CYP3A7: variants seen among roughly 807,000 people sequenced by gnomAD.
The protein encoded by CYP3A7 is cytochrome P450 family 3 subfamily A member 7, also known as cytochrome P450 3A7.
In CYP3A7, 45 loss-of-function variants were observed where a neutral mutation model predicts 55.2. That is an observed-to-expected ratio of 0.82 (90% CI 0.64 to 1.05). CYP3A7 has a LOEUF of 1.05. Among genes scored for constraint, CYP3A7 ranks in the 50% least tolerant of loss-of-function variants. The probability of loss-of-function intolerance (pLI) is 0.00; values close to 1 mark genes in which losing one functional copy is unlikely to be tolerated. For missense variants in CYP3A7, 548 were observed against 605.3 expected (o/e 0.91, Z 0.99); for synonymous variants, 180 against 207.4 (o/e 0.87, Z 1.13).
intron 2 of CYP3A7, among the ~76,000 whole-genome samples, chr7:99,729,087 A>G (rs903089386): frequency 6.6e-6 from 1 of 152,128 alleles, no homozygotes; most frequent in African/African-American, 2.4e-5. Context: ...CAGCCAGGCA[A>G]ATACTTATTT....
rs549288045 is a variant in CYP3A7, at chr7:99,734,637, T to C, written c.71+386A>G. On this transcript the variant is annotated intron_variant, in intron 1 of 12. Coordinates refer to ENST00000336374, the MANE Select transcript of CYP3A7 (RefSeq NM_000765.5). ...TTTCTTTTTTTTCTCTTTTTTTTTT[T>C]TTGAGATGGAATCTCACTCTGTTAC... Among the ~76,000 whole-genome samples the C allele has an allele frequency of 1.4e-4, 22 of 151,734 alleles. No individual in the cohort carries two copies. In the South Asian group the frequency reaches 1.7e-3, roughly 12 times the overall value.
intron 2 of CYP3A7, among the ~76,000 whole-genome samples, chr7:99,728,717 A>G (rs1814508994): frequency 6.6e-6 from 1 of 152,178 alleles, no homozygotes; most frequent in South Asian, 2.1e-4. Flanking sequence ...CATGACACCA[A>G]CCAGACAAAA....
intron 1 of CYP3A7, among the ~76,000 whole-genome samples, chr7:99,733,123 C>T (rs535088167): frequency 6.6e-6 from 1 of 152,356 alleles, no homozygotes; most frequent in African/African-American, 2.4e-5. Flanking sequence ...GAAGTGTGTG[C>T]ACCATCTACC....
rs1584507469 is a variant in CYP3A7 at position 99,710,962 on chromosome 7, A to T, written c.866-70T>A. On this transcript the variant is annotated intron_variant, in intron 9 of 12. Transcript: ENST00000336374. ...GGGCATCACAGTTTAGATGAAAAGA[A>T]ATCTAAGTGGAACCTTCAAATCCCC... is the stretch of plus-strand genomic sequence containing the variant. 21 of 1,609,948 alleles carry T rather than the reference A, an allele frequency of 1.3e-5. No individual in the cohort carries two copies. In the South Asian group the frequency reaches 1.5e-4, roughly 12 times the overall value.
intron 9 of CYP3A7, among the ~76,000 whole-genome samples, chr7:99,711,763 C>G (rs150231965): frequency 7.0e-6 from 1 of 143,544 alleles, no homozygotes; most frequent in African/African-American, 2.4e-5. Flanking sequence ...AGCGAAAACT[C>G]TGTCTCAAAA....
intron 12 of CYP3A7, among the ~76,000 whole-genome samples, chr7:99,707,117 A>G (rs1813553951): frequency 6.6e-6 from 1 of 152,198 alleles, no homozygotes; most frequent in Admixed American, 6.5e-5. Context: ...GAACAGAATG[A>G]GGAGAAGAAA....
intron 2 of CYP3A7, among the ~76,000 whole-genome samples, chr7:99,727,548 C>T (rs796871752): frequency 2.0e-5 from 3 of 152,268 alleles, no homozygotes; most frequent in Admixed American, 1.3e-4. Flanking sequence ...CTGTATCTCT[C>T]TGATCCATCT....
intron 9 of CYP3A7, among the ~76,000 whole-genome samples, chr7:99,713,263 G>T (rs932276907): frequency 1.3e-5 from 2 of 152,080 alleles, no homozygotes; most frequent in African/African-American, 4.8e-5. Context: ...TTTTCCTTAG[G>T]GTTGCCCTTT....
intron 10 of CYP3A7, 129 bp downstream of exon 10, chr7:99,710,603 C>A (rs757916691): frequency 1.1e-5 from 16 of 1,506,424 alleles, no homozygotes; most frequent in Admixed American, 4.3e-5. Flanking sequence ...ATTTTGAGAG[C>A]CTTCCTACAT....
chr7:99,722,169 C>T, intron 3 of CYP3A7, 127 bp downstream of exon 3: 1 of 1,175,666 alleles, frequency 8.5e-7, no homozygotes, highest in East Asian at 2.4e-5. Context: ...CAGAAAACCT[C>T]TCTGTTTGTA....
rs772884241 is a variant in CYP3A7, at chr7:99,713,475, G to A, written c.859C>T (p.His287Tyr). Residue 287 changes from histidine to tyrosine, a missense_variant, in exon 9 of 13, where the codon CAC (histidine) becomes TAC (tyrosine). His to Tyr is a moderately conservative substitution (Grantham distance 83). Coordinates refer to ENST00000336374, the MANE Select transcript of CYP3A7 (RefSeq NM_000765.5). The part of the protein sequence containing the change: ...DSQNSKDSET[H>Y]KALSDLELMA... ...AGAAGCACTCTTTTGTTACCTTTGT[G>A]GGTCTCAGAGTCTTTTGAATTCTGA... The A allele has an allele frequency of 5.0e-6, 8 of 1,613,278 alleles. No individual in the cohort carries two copies. Among genetic ancestry groups the A allele is most frequent in the Non-Finnish European group, 6.8e-6 (8 of 1,179,540 alleles).
Position 99,722,364 on chromosome 7 carries a change from A to C in CYP3A7, c.166-16T>G, listed in dbSNP as rs757655926. 6 of 1,613,002 alleles carry C rather than the reference A, an allele frequency of 3.7e-6. 1 individual carries two copies. The South Asian group carries it at 6.6e-5, about 18-fold the overall frequency. Reference sequence around the variant, plus strand: ...TCCAATAGCCCTGGGAGGAGAAACAAAATAATATTTCATTATTATTTTAAG... The same window carrying C: ...TCCAATAGCCCTGGGAGGAGAAACACAATAATATTTCATTATTATTTTAAG... On this transcript the variant is annotated splice_polypyrimidine_tract_variant and intron_variant, in intron 2 of 12. Coordinates refer to ENST00000336374, the MANE Select transcript of CYP3A7 (RefSeq NM_000765.5).
chr7:99,707,721 G>T, intron 12 of CYP3A7, 91 bp downstream of exon 12: 1 of 1,568,628 alleles, frequency 6.4e-7, no homozygotes, highest in South Asian at 1.1e-5. Context: ...ATTATTAAAA[G>T]ATTAAGTGAG....
At chr7:99,733,175 C>T (rs1010288743) in intron 1 of CYP3A7, among the ~76,000 whole-genome samples, 19 of 152,212 alleles carry the variant, frequency 1.2e-4, no homozygotes, top group African/African-American at 4.3e-4. Context: ...CTGTTCCTTC[C>T]TTTGTTGTCA....
intron 1 of CYP3A7, 114 bp from the exon 2 acceptor site, chr7:99,731,266 C>A: frequency 8.3e-7 from 1 of 1,204,582 alleles, no homozygotes; most frequent in Admixed American, 2.2e-5. Context: ...AACATTAAGG[C>A]AATAAAAAAT....
chr7:99,716,272 C>A (rs1406454355), intron 6 of CYP3A7, among the ~76,000 whole-genome samples: 2 of 152,146 alleles, frequency 1.3e-5, no homozygotes, highest in Non-Finnish European at 2.9e-5. Context: ...TAGAAAAATT[C>A]ACTCTTTCTA....
intron 2 of CYP3A7, among the ~76,000 whole-genome samples, chr7:99,728,004 C>T (rs1470917684): frequency 6.6e-6 from 1 of 152,226 alleles, no homozygotes; most frequent in Non-Finnish European, 1.5e-5. Context: ...TTGCTCAAGG[C>T]AACAATTATG....
At position 99,715,787 on chromosome 7, in the gene CYP3A7, T is replaced by C. The variant is rs762402634; in HGVS notation, c.641A>G (p.Asn214Ser). 1 of 1,613,882 alleles carries C rather than the reference T, an allele frequency of 6.2e-7. No individual in the cohort carries two copies. Residue 214 changes from asparagine (N) to serine (S), a missense_variant, in exon 7 of 13, where the codon AAT becomes AGT. Asn to Ser is a conservative substitution (Grantham distance 46). Transcript: ENST00000336374. ...VENTKKLLRF[N>S]PLDPFVLSIK... ...TGAGAGAACGAATGGATCTAATGGA[T>C]TAAATCTTAAAAGCTTCTTGGTGTT...
chr7:99,720,056 G>A (rs1424819027), intron 4 of CYP3A7, among the ~76,000 whole-genome samples: 1 of 151,878 alleles, frequency 6.6e-6, no homozygotes, highest in Non-Finnish European at 1.5e-5. Flanking sequence ...CACAAATGAG[G>A]GCACATAAAA....
Sources: gnomAD v4.1 joint callset for allele counts (sites outside exome capture counted in the v4.1 genomes callset) on GRCh38, gnomAD v4.1.1 for gene constraint, MANE v1.5 for transcripts, NCBI Gene and HGNC (gene_info 2026-07-23, HGNC 2026-07-21) for gene names.